The following SGK3 variants were observed in gnomAD, a reference collection of about 807,000 sequenced individuals.
The protein encoded by SGK3 is serine/threonine-protein kinase Sgk3.
In SGK3, 47 loss-of-function variants were observed where a neutral mutation model predicts 68.5. That is an observed-to-expected ratio of 0.69 (90% CI 0.54 to 0.87). The LOEUF (loss-of-function observed/expected upper bound fraction) is 0.87, where lower values mean the gene tolerates loss of function less well. Ranked by LOEUF, SGK3 falls within the 40% of genes least tolerant of loss-of-function variation. The pLI, the probability that SGK3 is intolerant of heterozygous loss-of-function variation, is 0.00. For missense variants in SGK3, 479 were observed against 575.5 expected (o/e 0.83, Z 1.72); for synonymous variants, 181 against 189.1 (o/e 0.96, Z 0.35).
intron 1 of SGK3, among the ~76,000 whole-genome samples, chr8:66,777,029 A>C (rs1471050036): frequency 6.6e-6 from 1 of 152,204 alleles, no homozygotes; most frequent in Non-Finnish European, 1.5e-5. Context: ...CAGGAAGTGG[A>C]ACCCTGAATG....
At position 66,823,935 on chromosome 8, in the gene SGK3, G is replaced by A. The variant is rs1808951842; in HGVS notation, c.417+1476G>A. Among the ~76,000 whole-genome samples, 5 of 152,134 alleles carry A rather than the reference G, an allele frequency of 3.3e-5. No homozygotes were observed. The South Asian group carries it at 8.3e-4, about 25-fold the overall frequency. ...ATATGCATGAAAATCAGAGATGATGGGTTGAAATACAGTTTTTCTTTATAA... is the reference window on the plus strand; with the variant it reads ...ATATGCATGAAAATCAGAGATGATGAGTTGAAATACAGTTTTTCTTTATAA... On this transcript the variant is annotated intron_variant, in intron 6 of 16. Transcript: ENST00000521198.
chr8:66,830,522 A>C (rs1809261053), intron 7 of SGK3, among the ~76,000 whole-genome samples: 1 of 152,204 alleles, frequency 6.6e-6, no homozygotes, highest in Non-Finnish European at 1.5e-5. Context: ...ATGAATTCAG[A>C]CCATGTTGGA....
intron 1 of SGK3, among the ~76,000 whole-genome samples, chr8:66,744,402 T>A (rs1286923143): frequency 6.7e-6 from 1 of 148,254 alleles, no homozygotes; most frequent in Non-Finnish European, 1.5e-5. Flanking sequence ...ACCTTTTAAA[T>A]CTGGAATTTC....
At chr8:66,813,264 A>C (rs1808451590) in intron 4 of SGK3, among the ~76,000 whole-genome samples, 1 of 152,230 alleles carries the variant, frequency 6.6e-6, no homozygotes, top group Non-Finnish European at 1.5e-5. Flanking sequence ...AGACGAAAAA[A>C]GAAAAATTTT....
At chr8:66,831,353 G>GC in intron 8 of SGK3, 42 bp downstream of exon 8, 2 of 1,412,186 alleles carry the variant, frequency 1.4e-6, no homozygotes, top group Non-Finnish European at 1.9e-6. Context: ...TTTGGTTTTG[G>GC]TTTTTTTTTT....
At chr8:66,755,496 A>G (rs1805949165) in intron 1 of SGK3, among the ~76,000 whole-genome samples, 1 of 152,208 alleles carries the variant, frequency 6.6e-6, no homozygotes, top group Non-Finnish European at 1.5e-5. Context: ...TTGGATTTTG[A>G]AACATTTTAG....
chr8:66,804,514 T>C, intron 4 of SGK3, 67 bp downstream of exon 4: 3 of 1,508,582 alleles, frequency 2.0e-6, no homozygotes, highest in South Asian at 2.3e-5. Context: ...AATTAATGTA[T>C]TCATTGCACT....
chr8:66,843,398 ATT>A (rs761787682), intron 13 of SGK3, 52 bp from the exon 14 acceptor site: 888 of 1,544,736 alleles, frequency 5.7e-4, no homozygotes, highest in Non-Finnish European at 6.7e-4. Flanking sequence ...TTATTTATAA[ATT>A]TTGTCTTGAT....
rs143583954 is a variant in SGK3, at chr8:66,788,775, G to A, written c.-121-4841G>A. Among the ~76,000 whole-genome samples the A allele has an allele frequency of 4.4e-3, 666 of 152,328 alleles. 6 individuals are homozygous for A. Among genetic ancestry groups the A allele is most frequent in the African/African-American group, 0.015 (613 of 41,586 alleles). The stretch of plus-strand genomic sequence containing the variant: ...AAATCCTAGAAGCCATCAGTGTAGT[G>A]AATCCCTGAACTTTCATGAGTTTTT... On this transcript the variant is annotated intron_variant, in intron 1 of 16. Coordinates refer to ENST00000521198, the MANE Select transcript of SGK3 (RefSeq NM_001033578.3).
intron 4 of SGK3, among the ~76,000 whole-genome samples, chr8:66,808,513 A>ATTT (rs35147550): frequency 2.8e-5 from 4 of 140,956 alleles, no homozygotes; most frequent in Non-Finnish European, 3.1e-5. Context: ...AAATCCTGTA[A>ATTT]TTTTTTTTTT....
intron 8 of SGK3, 98 bp from the exon 9 acceptor site, chr8:66,835,665 T>C (rs1428346974): frequency 3.0e-6 from 4 of 1,335,726 alleles, no homozygotes; most frequent in Non-Finnish European, 4.0e-6. Flanking sequence ...GGACTTTCTT[T>C]TTACAGAATT....
intron 3 of SGK3, among the ~76,000 whole-genome samples, chr8:66,798,974 T>G (rs908732564): frequency 1.3e-5 from 2 of 152,236 alleles, no homozygotes; most frequent in African/African-American, 4.8e-5. Flanking sequence ...GCTTTATGTT[T>G]GAAAGTCTGT....
intron 2 of SGK3, among the ~76,000 whole-genome samples, chr8:66,796,640 T>C: frequency 6.6e-6 from 1 of 152,132 alleles, no homozygotes; most frequent in East Asian, 1.9e-4. Context: ...GTAGTTTATG[T>C]AGTTCTATAC....
At chr8:66,788,390 C>T (rs1807296464) in intron 1 of SGK3, among the ~76,000 whole-genome samples, 1 of 152,190 alleles carries the variant, frequency 6.6e-6, no homozygotes, top group African/African-American at 2.4e-5. Context: ...AGTAACAAGC[C>T]AGGAACCACA....
intron 1 of SGK3, among the ~76,000 whole-genome samples, chr8:66,791,835 C>T (rs898758270): frequency 2.2e-4 from 34 of 152,320 alleles, no homozygotes; most frequent in Non-Finnish European, 1.8e-4. Flanking sequence ...ATAGGTTCCA[C>T]CTGCTCTCAT....
intron 1 of SGK3, among the ~76,000 whole-genome samples, chr8:66,730,868 G>A (rs1258593300): frequency 6.6e-6 from 1 of 151,306 alleles, no homozygotes; most frequent in South Asian, 2.1e-4. Context: ...TGTATTTTTG[G>A]TAGAGATGGG....
At position 66,755,015 on chromosome 8, in the gene SGK3, T is replaced by TC. The variant is rs920527223; in HGVS notation, c.-121-38601_-121-38600insC. Among the ~76,000 whole-genome samples, 24 of 152,066 alleles carry TC rather than the reference T, an allele frequency of 1.6e-4. 1 individual carries two copies. Among genetic ancestry groups the TC allele is most frequent in the Non-Finnish European group, 1.0e-4 (7 of 68,002 alleles). On this transcript the variant is annotated intron_variant, in intron 1 of 16. Coordinates refer to ENST00000521198, the MANE Select transcript of SGK3 (RefSeq NM_001033578.3). ...GGGTCATGCCTGTAATCCCAGCACT[T>TC]TGGGAGGCGGAAGCGGGTGGATCAC...
At chr8:66,823,011 A>G (rs943362333) in intron 6 of SGK3, among the ~76,000 whole-genome samples, 1 of 152,204 alleles carries the variant, frequency 6.6e-6, no homozygotes, top group African/African-American at 2.4e-5. Context: ...GAAAATAGGT[A>G]AAAAGAAAAG....
At chr8:66,732,169 C>T (rs1805174811) in intron 1 of SGK3, among the ~76,000 whole-genome samples, 2 of 151,956 alleles carry the variant, frequency 1.3e-5, no homozygotes, top group African/African-American at 2.4e-5. Context: ...ATGAAATAGA[C>T]ATGTCAAAAT....
Sources: allele counts gnomAD v4.1 joint callset (sites outside exome capture counted in the v4.1 genomes callset), GRCh38; gene constraint gnomAD v4.1.1; transcripts MANE v1.5; gene names NCBI Gene and HGNC (gene_info 2026-07-23, HGNC 2026-07-21).